The following KDM4B variants were observed in gnomAD, a reference collection of about 807,000 sequenced individuals.
KDM4B encodes lysine-specific demethylase 4B.
KDM4B carries 32 observed loss-of-function variants against 125.2 expected under a neutral mutation model. The ratio of observed to expected loss-of-function variants is 0.26; its 90% CI spans 0.19 to 0.34. KDM4B has a LOEUF of 0.34. Among genes scored for constraint, KDM4B ranks in the 10% least tolerant of loss-of-function variants. KDM4B has a pLI of 1.00. For missense variants in KDM4B, 1,190 were observed against 1,577.7 expected, an observed-to-expected ratio of 0.75 and a Z score of 4.16; for synonymous variants, 721 against 677.9, an observed-to-expected ratio of 1.06 and a Z score of -0.99.
chr19:5,089,996 C>T (rs943731706), intron 9 of KDM4B, among the ~76,000 whole-genome samples: 10 of 152,120 alleles, frequency 6.6e-5, no homozygotes, highest in East Asian at 1.9e-4. Flanking sequence ...TAGTGAGACC[C>T]CATTCTCCAC....
chr19:5,050,523 T>C (rs1568258765), intron 6 of KDM4B, among the ~76,000 whole-genome samples: 1 of 152,202 alleles, frequency 6.6e-6, no homozygotes, highest in East Asian at 1.9e-4. Flanking sequence ...TCTTCCTGGG[T>C]GGGGTGGTGG....
At chr19:5,056,863 G>C (rs1286851446) in intron 6 of KDM4B, among the ~76,000 whole-genome samples, 1 of 149,964 alleles carries the variant, frequency 6.7e-6, no homozygotes, top group Non-Finnish European at 1.5e-5. Context: ...CCTGGGGCGG[G>C]GAGTCCTGGG....
At chr19:4,973,661 C>A (rs1036979609) in intron 1 of KDM4B, among the ~76,000 whole-genome samples, 1 of 152,098 alleles carries the variant, frequency 6.6e-6, no homozygotes. Flanking sequence ...CTGGCCTGTT[C>A]TAGGATGCTG....
intron 18 of KDM4B, chr19:5,138,477 A>C: frequency 5.7e-6 from 1 of 175,102 alleles, no homozygotes; most frequent in South Asian, 1.2e-4. Flanking sequence ...ACACGATGAG[A>C]CCCCATCTCT....
chr19:5,107,216 C>T (rs944638729), intron 9 of KDM4B, among the ~76,000 whole-genome samples: 2 of 152,268 alleles, frequency 1.3e-5, no homozygotes, highest in African/African-American at 2.4e-5. Context: ...TCACACCACA[C>T]GATGGGACAC....
intron 7 of KDM4B, chr19:5,074,201 T>C (rs2038031312): frequency 1.3e-5 from 2 of 152,386 alleles, no homozygotes; most frequent in Admixed American, 6.5e-5. Flanking sequence ...ATGTGTCAGA[T>C]GCCTGCAGCT....
chr19:5,060,726 G>A (rs1219227295), intron 6 of KDM4B, among the ~76,000 whole-genome samples: 1 of 152,142 alleles, frequency 6.6e-6, no homozygotes, highest in South Asian at 2.1e-4. Context: ...TGTGTCAGTG[G>A]CCCTGTGTCC....
chr19:5,129,913 GGCCCTC>G (rs1316224449), intron 11 of KDM4B, among the ~76,000 whole-genome samples: 1 of 152,192 alleles, frequency 6.6e-6, no homozygotes, highest in African/African-American at 2.4e-5. Context: ...TGAGTGCGGC[GGCCCTC>G]AGAGGGATTG....
chr19:5,151,437 G>T lies in KDM4B; in HGVS notation c.3217G>T (p.Gly1073Trp). Residue 1073 changes from glycine to tryptophan, a missense_variant, in exon 23 of 23, where the codon GGG becomes TGG. Physicochemically the swap from Gly to Trp is radical, Grantham distance 184 (BLOSUM62 -2). Coordinates refer to ENST00000159111, the MANE Select transcript of KDM4B (RefSeq NM_015015.3). ...CACCCCGCTTGCCACGGAGGACTCC[G>T]GGCGGAGCCAGGACTACGTGGCCTT... Reference protein sequence around the residue: ...VGTPLATEDSGRSQDYVAFVE... With the variant: ...VGTPLATEDSWRSQDYVAFVE... 1 of 1,559,468 alleles carries T rather than the reference G, an allele frequency of 6.4e-7. No individual in the cohort carries two copies.
At chr19:5,091,078 G>T (rs550484539) in intron 9 of KDM4B, among the ~76,000 whole-genome samples, 1 of 152,204 alleles carries the variant, frequency 6.6e-6, no homozygotes, top group Non-Finnish European at 1.5e-5. Flanking sequence ...AAATGTGCAC[G>T]CAGCCGCCTT....
chr19:5,110,438 C>G (rs1364925031), intron 9 of KDM4B, among the ~76,000 whole-genome samples, 184 bp from the exon 10 acceptor site: 1 of 152,216 alleles, frequency 6.6e-6, no homozygotes, highest in Non-Finnish European at 1.5e-5. Flanking sequence ...CACCACTGCA[C>G]TCCAGCCTGG....
At chr19:5,024,850 A>G (rs1259430534) in intron 2 of KDM4B, among the ~76,000 whole-genome samples, 1 of 152,216 alleles carries the variant, frequency 6.6e-6, no homozygotes, top group Non-Finnish European at 1.5e-5. Flanking sequence ...CAGAAGGCTC[A>G]AGCAGGAGAA....
In KDM4B at chr19:5,153,156, T is replaced by G. The variant is rs976128312; in HGVS notation, c.*1645T>G. ...GTGTTACGCAGGAGCAAGCCTTTCA[T>G]TTCCTTGGTGGGGGAGGGGGGCGGT... On this transcript the variant is annotated 3_prime_UTR_variant, in exon 23 of 23. Transcript: ENST00000159111. 1.3e-5 allele frequency: 2 copies of G among 151,770 alleles called. No individual in the cohort carries two copies. The highest frequency in any genetic ancestry group is 4.8e-5 in the African/African-American group (2 of 41,316). The allele number at this position is 151,770 out of a possible 1,614,324, so 9.4% of individuals were successfully genotyped here. A position where few individuals can be genotyped will look rare whatever the true frequency, so the allele number is the denominator to read the frequency against.
intron 15 of KDM4B, among the ~76,000 whole-genome samples, chr19:5,136,602 G>A (rs1339679810): frequency 2.6e-5 from 4 of 152,108 alleles, no homozygotes; most frequent in African/African-American, 7.2e-5. Flanking sequence ...TGCCACAGCC[G>A]GGCCGCCCCA....
In KDM4B at chr19:5,097,163, A is replaced by G. The variant is rs993576216; in HGVS notation, c.919-13459A>G. On this transcript the variant is annotated intron_variant, in intron 9 of 22. Transcript: ENST00000159111. ...GGTAACCAAAGCCACCAAGATGTCA[A>G]TCTCACCGTACACAGGATTCTTAAA... Among the ~76,000 whole-genome samples, 5 of 152,192 alleles carry G rather than the reference A, an allele frequency of 3.3e-5. 1 individual carries two copies. In the East Asian group the frequency reaches 9.6e-4, roughly 29 times the overall value.
In KDM4B at chr19:5,115,042, G is replaced by C. The variant is rs1396253109; in HGVS notation, c.1115+4224G>C. The stretch of plus-strand genomic sequence containing the variant: ...GAGTGAAGTGCAGAGAACGGGAGAG[G>C]GGGCAGTGGCAGCTGAGCACGTCTC... On this transcript the variant is annotated intron_variant, in intron 10 of 22. Coordinates refer to ENST00000159111, the MANE Select transcript of KDM4B (RefSeq NM_015015.3). This position sits in a 1 kb window ranked among gnomAD's most constrained non-coding sequence, Gnocchi z 4.2. Among the ~76,000 whole-genome samples the C allele has an allele frequency of 6.6e-6, 1 of 152,206 alleles. No homozygotes were observed. The highest frequency in any genetic ancestry group is 2.4e-5 in the African/African-American group (1 of 41,436).
chr19:4,983,429 C>T (rs961522810), intron 1 of KDM4B, among the ~76,000 whole-genome samples: 7 of 152,216 alleles, frequency 4.6e-5, no homozygotes, highest in African/African-American at 1.4e-4. Context: ...GGACACGCTG[C>T]GACAGGTGCG....
chr19:5,153,481 C>T lies in KDM4B; in HGVS notation c.*1970C>T, dbSNP rs1036430563. 4 of 152,200 alleles carry T rather than the reference C, an allele frequency of 2.6e-5. No homozygotes were observed. The South Asian group carries it at 6.2e-4, about 24-fold the overall frequency. The allele number at this position is 152,200 out of a possible 1,614,324, so 9.4% of individuals were successfully genotyped here. A position where few individuals can be genotyped will look rare whatever the true frequency, so the allele number is the denominator to read the frequency against. On this transcript the variant is annotated 3_prime_UTR_variant, in exon 23 of 23. Coordinates refer to ENST00000159111, the MANE Select transcript of KDM4B (RefSeq NM_015015.3). ...CTGTGTCTTACTCTGTGCAAAGACG[C>T]GGCAAAACCCAGTGCCCTGGTTTTT...
In KDM4B at chr19:5,144,920, C is replaced by T. The variant is rs1297166236; in HGVS notation, c.3021+18C>T. 2 of 1,612,670 alleles carry T rather than the reference C, an allele frequency of 1.2e-6. No individual in the cohort carries two copies. Among genetic ancestry groups the T allele is most frequent in the Non-Finnish European group, 1.7e-6 (2 of 1,179,618 alleles). ...TCTACCAGGTAAGCGGGGGATCTGG[C>T]AGCCGCGCCATGCCTTCACCAAGCT... On this transcript the variant is annotated intron_variant, in intron 21 of 22. Transcript: ENST00000159111.
Sources: allele counts gnomAD v4.1 joint callset (sites outside exome capture counted in the v4.1 genomes callset), GRCh38; gene constraint gnomAD v4.1.1; non-coding constraint Gnocchi (gnomAD v3.1); transcripts MANE v1.5; gene names NCBI Gene and HGNC (gene_info 2026-07-23, HGNC 2026-07-21).